CORIN: variants seen among roughly 807,000 people sequenced by gnomAD.
CORIN encodes the protein atrial natriuretic peptide-converting enzyme.
Under a neutral mutation model 125.3 loss-of-function variants are expected in CORIN, and 117 were observed. That is an observed-to-expected ratio of 0.93 (90% CI 0.80 to 1.09). The LOEUF (loss-of-function observed/expected upper bound fraction) is 1.09. CORIN is among the 50% of genes least tolerant of loss of function. The pLI is 0.00. For synonymous variants in CORIN, 450 were observed against 466.4 expected (o/e 0.96, Z 0.45); for missense variants, 1,253 against 1,306.7 (o/e 0.96, Z 0.63).
At chr4:47,739,770 T>C (rs1470948161) in intron 5 of CORIN, among the ~76,000 whole-genome samples, 1 of 151,978 alleles carries the variant, frequency 6.6e-6, no homozygotes, top group African/African-American at 2.4e-5. Flanking sequence ...TATATAAAGA[T>C]GTAATTTGTA....
At chr4:47,813,110 G>A (rs1394490408) in intron 1 of CORIN, among the ~76,000 whole-genome samples, 2 of 152,092 alleles carry the variant, frequency 1.3e-5, no homozygotes, top group South Asian at 2.1e-4. Context: ...CATAGCAACC[G>A]CCAAGAACCC....
chr4:47,772,547 AGTTT>A (rs1730095860), intron 3 of CORIN, among the ~76,000 whole-genome samples: 1 of 152,134 alleles, frequency 6.6e-6, no homozygotes, highest in South Asian at 2.1e-4. Flanking sequence ...AGTGTCTTCA[AGTTT>A]GTTAAACAGT....
chr4:47,728,517 A>G (rs1276859575), intron 5 of CORIN, among the ~76,000 whole-genome samples: 4 of 152,224 alleles, frequency 2.6e-5, no homozygotes, highest in Non-Finnish European at 5.9e-5. Context: ...ATACAGAACT[A>G]AAATAGATGA....
chr4:47,771,984 T>C (rs1377423025), intron 3 of CORIN, among the ~76,000 whole-genome samples: 3 of 152,194 alleles, frequency 2.0e-5, no homozygotes, highest in Non-Finnish European at 2.9e-5. Context: ...GTTTATTTTC[T>C]ATATAATTGT....
chr4:47,653,312 C>G (rs114541617), intron 13 of CORIN, among the ~76,000 whole-genome samples: 1 of 151,982 alleles, frequency 6.6e-6, no homozygotes, highest in African/African-American at 2.4e-5. Flanking sequence ...CATATCCCTA[C>G]GGATAAGGGG....
intron 2 of CORIN, among the ~76,000 whole-genome samples, chr4:47,805,090 C>T (rs762369540): frequency 3.4e-5 from 5 of 146,700 alleles, no homozygotes; most frequent in Admixed American, 6.8e-5. Flanking sequence ...GAGCCGAGAT[C>T]GCGCCACTGC....
At chr4:47,776,144 C>T (rs1167115456) in intron 3 of CORIN, among the ~76,000 whole-genome samples, 3 of 151,794 alleles carry the variant, frequency 2.0e-5, no homozygotes, top group Admixed American at 2.0e-4. Context: ...CTCAGCCTCC[C>T]GAGTAGCTGG....
At chr4:47,819,483 A>C (rs998047074) in intron 1 of CORIN, among the ~76,000 whole-genome samples, 9 of 152,212 alleles carry the variant, frequency 5.9e-5, no homozygotes. Context: ...GGGGACAGAG[A>C]CAAAAATAGC....
intron 5 of CORIN, among the ~76,000 whole-genome samples, chr4:47,698,035 T>G (rs1188241271): frequency 1.3e-5 from 2 of 151,676 alleles, no homozygotes; most frequent in Non-Finnish European, 2.9e-5. Context: ...TTATTCTGTA[T>G]ATTCTATAAT....
At chr4:47,776,650 C>A (rs73150658) in intron 3 of CORIN, among the ~76,000 whole-genome samples, 1,855 of 152,228 alleles carry the variant, frequency 0.012, 51 homozygotes, top group African/African-American at 0.042. Context: ...GTACTTAAAA[C>A]ACAATGGAGG....
chr4:47,610,526 A>G (rs531948765), intron 19 of CORIN, among the ~76,000 whole-genome samples: 3 of 151,360 alleles, frequency 2.0e-5, no homozygotes, highest in Non-Finnish European at 4.4e-5. Flanking sequence ...AATTGCAATT[A>G]TTTTTCTCAT....
At chr4:47,672,762 T>G (rs1393100058) in intron 10 of CORIN, among the ~76,000 whole-genome samples, 1 of 152,116 alleles carries the variant, frequency 6.6e-6, no homozygotes, top group Non-Finnish European at 1.5e-5. Flanking sequence ...CTTTGTGGCT[T>G]GACTAATATC....
At chr4:47,771,473 T>C (rs949121348) in intron 3 of CORIN, among the ~76,000 whole-genome samples, 1 of 152,196 alleles carries the variant, frequency 6.6e-6, no homozygotes, top group African/African-American at 2.4e-5. Flanking sequence ...CAGGGGTACA[T>C]GTGCAGGTAT....
At chr4:47,805,169 T>TAATAGAGTATAATTGGATTATAAAAAA (rs1731734099) in intron 2 of CORIN, among the ~76,000 whole-genome samples, 1 of 148,784 alleles carries the variant, frequency 6.7e-6, no homozygotes, top group Non-Finnish European at 1.5e-5. Context: ...ATAATAATAA[T>TAATAGAGTATAATTGGATTATAAAAAA]AATAGAGTAT....
At chr4:47,595,936 G>A (rs760101455) in intron 21 of CORIN, 33 bp from the exon 22 acceptor site, 2 of 1,551,804 alleles carry the variant, frequency 1.3e-6, no homozygotes, top group East Asian at 2.2e-5. Flanking sequence ...TTAGGAACTG[G>A]CATTTCAGGG....
chr4:47,619,920 C>G (rs917149690), intron 19 of CORIN, among the ~76,000 whole-genome samples: 2 of 152,180 alleles, frequency 1.3e-5, no homozygotes, highest in Admixed American at 1.3e-4. Flanking sequence ...CCTTCTAAAG[C>G]AATAACATTC....
intron 7 of CORIN, chr4:47,680,760 TC>T (rs869087244): frequency 8.4e-4 from 42 of 50,260 alleles, no homozygotes; most frequent in Non-Finnish European, 1.8e-3. Flanking sequence ...TAATTGATTA[TC>T]TTTTTTTTGA....
At chr4:47,619,975 G>A (rs1722241465) in intron 19 of CORIN, among the ~76,000 whole-genome samples, 1 of 152,030 alleles carries the variant, frequency 6.6e-6, no homozygotes, top group Non-Finnish European at 1.5e-5. Flanking sequence ...CAATAATTCT[G>A]GATCTTACAC....
At chr4:47,741,565 A>C (rs1290813754) in intron 5 of CORIN, among the ~76,000 whole-genome samples, 1 of 152,088 alleles carries the variant, frequency 6.6e-6, no homozygotes, top group Non-Finnish European at 1.5e-5. Context: ...AGAGAATTAA[A>C]ACAGTATGTC....
Sources: allele counts gnomAD v4.1 joint callset (sites outside exome capture counted in the v4.1 genomes callset), GRCh38; gene constraint gnomAD v4.1.1; transcripts MANE v1.5; gene names NCBI Gene and HGNC (gene_info 2026-07-23, HGNC 2026-07-21).